The following GJB7 variants were observed in gnomAD, a reference collection of about 807,000 sequenced individuals.
GJB7 encodes gap junction protein beta 7.
For synonymous variants in GJB7, 87 were observed against 95.2 expected, an observed-to-expected ratio of 0.91 and a Z score of 0.50; for missense variants, 253 against 256.8, an observed-to-expected ratio of 0.99 and a Z score of 0.10.
intron 2 of GJB7, among the ~76,000 whole-genome samples, chr6:87,305,350 G>A (rs890727282): frequency 6.6e-6 from 1 of 152,006 alleles, no homozygotes; most frequent in African/African-American, 2.4e-5. Context: ...AAATCAATGT[G>A]CAAAAATCAC....
At chr6:87,301,693 C>T (rs1439112104) in intron 2 of GJB7, among the ~76,000 whole-genome samples, 1 of 152,170 alleles carries the variant, frequency 6.6e-6, no homozygotes, top group Non-Finnish European at 1.5e-5. Context: ...ATCGTTCTCC[C>T]AGCACAGTTT....
Position 87,284,444 on chromosome 6 carries a change from A to G in GJB7, c.469T>C (p.Cys157Arg). ...DGFSVPYLIKCDLKPCPNTVD... is the reference protein window; with the variant it reads ...DGFSVPYLIKRDLKPCPNTVD... ...GTGTTGGGACAAGGCTTCAAATCAC[A>G]CTTTATAAGGTAGGGAACACTAAAG... is the stretch of plus-strand genomic sequence containing the variant. Residue 157 changes from cysteine to arginine, a missense_variant, in exon 3 of 3, where the codon TGT (cysteine) becomes CGT (arginine). Cys to Arg is a radical substitution (Grantham distance 180, BLOSUM62 -3). Transcript: ENST00000525899. 1 of 1,614,144 alleles carries G rather than the reference A, an allele frequency of 6.2e-7. No individual in the cohort carries two copies. Among genetic ancestry groups the G allele is most frequent in the Non-Finnish European group, 8.5e-7 (1 of 1,180,014 alleles).
chr6:87,307,579 A>G (rs1187041333), intron 2 of GJB7, among the ~76,000 whole-genome samples: 1 of 152,220 alleles, frequency 6.6e-6, no homozygotes, highest in Non-Finnish European at 1.5e-5. Flanking sequence ...ATGAACAGAC[A>G]CTTCTTAAAA....
chr6:87,314,814 C>T (rs1402408627), intron 2 of GJB7, among the ~76,000 whole-genome samples: 3 of 152,188 alleles, frequency 2.0e-5, no homozygotes, highest in Non-Finnish European at 4.4e-5. Context: ...CAAAACTTAA[C>T]GCATTTAGGA....
At chr6:87,328,837 G>GCC (rs1162712446) in intron 1 of GJB7, among the ~76,000 whole-genome samples, 61 of 152,212 alleles carry the variant, frequency 4.0e-4, no homozygotes, top group African/African-American at 1.3e-3. Flanking sequence ...AATGGCGGGC[G>GCC]CCCCTCCCCC....
At chr6:87,318,659 A>AC (rs1378856664) in intron 2 of GJB7, among the ~76,000 whole-genome samples, 11 of 152,126 alleles carry the variant, frequency 7.2e-5, no homozygotes, top group East Asian at 3.9e-4. Flanking sequence ...CACAAGGGTG[A>AC]CCCCCCAGAG....
chr6:87,323,690 T>A (rs1285994099), intron 1 of GJB7, among the ~76,000 whole-genome samples: 5 of 152,154 alleles, frequency 3.3e-5, no homozygotes, highest in African/African-American at 4.8e-5. Context: ...GACATTTGGG[T>A]TGGTTCCAGG....
intron 2 of GJB7, among the ~76,000 whole-genome samples, chr6:87,294,565 T>C (rs1776222895): frequency 6.6e-6 from 1 of 152,276 alleles, no homozygotes; most frequent in Admixed American, 6.5e-5. Context: ...ACTTGACCTT[T>C]ATTTCTCAGC....
At chr6:87,314,721 C>T (rs1222843747) in intron 2 of GJB7, among the ~76,000 whole-genome samples, 3 of 152,188 alleles carry the variant, frequency 2.0e-5, no homozygotes, top group African/African-American at 2.4e-5. Context: ...CACCTCCTTA[C>T]TTAACATCTC....
intron 1 of GJB7, among the ~76,000 whole-genome samples, 165 bp downstream of exon 1, chr6:87,328,973 C>A (rs1582090586): frequency 1.3e-5 from 2 of 152,206 alleles, no homozygotes; most frequent in Admixed American, 1.3e-4. Flanking sequence ...TTTTTAAGCC[C>A]GTCGGAAAAG....
intron 2 of GJB7, among the ~76,000 whole-genome samples, chr6:87,305,975 T>A (rs1413971063): frequency 2.6e-5 from 4 of 152,052 alleles, no homozygotes; most frequent in Admixed American, 2.6e-4. Context: ...GCTAGCCATA[T>A]GTAGAAAGCT....
In GJB7 at chr6:87,328,189, C is replaced by G. The variant is rs560159457; in HGVS notation, c.-206+949G>C. 2.0e-5 allele frequency among the ~76,000 whole-genome samples: 3 copies of G among 152,190 alleles called. No homozygotes were observed. In the South Asian group the frequency reaches 6.2e-4, roughly 32 times the overall value. On this transcript the variant is annotated intron_variant, in intron 1 of 2. Coordinates refer to ENST00000525899, the MANE Select transcript of GJB7 (RefSeq NM_198568.3). ...TTTTCAAAGTTTTCAACTTCTTTGC[C>G]TTTGGTTTGAATTTCCTCCCGTAGC...
intron 1 of GJB7, among the ~76,000 whole-genome samples, chr6:87,328,007 A>G (rs1452661943): frequency 6.6e-6 from 1 of 151,486 alleles, no homozygotes; most frequent in Non-Finnish European, 1.5e-5. Flanking sequence ...CATTCACTTC[A>G]TCTTCCATCA....
Position 87,284,409 on chromosome 6 carries a change from G to A in GJB7, c.504C>T (p.Cys168=). Residue 168 remains cysteine (C), a synonymous_variant, in exon 3 of 3, where the codon TGC becomes TGT. Coordinates refer to ENST00000525899, the MANE Select transcript of GJB7 (RefSeq NM_198568.3). ...TCTTCTCAGTGGGTTTGGAGATGAA[G>A]CAGTCCACAGTGTTGGGACAAGGCT... ...DLKPCPNTVD[C]FISKPTEKTI... The A allele has an allele frequency of 6.2e-7, 1 of 1,614,172 alleles. No individual in the cohort carries two copies. Among genetic ancestry groups the A allele is most frequent in the Non-Finnish European group, 8.5e-7 (1 of 1,180,030 alleles).
intron 2 of GJB7, among the ~76,000 whole-genome samples, chr6:87,296,316 C>A (rs1041705790): frequency 1.3e-5 from 2 of 152,130 alleles, no homozygotes; most frequent in Non-Finnish European, 2.9e-5. Context: ...ACACATACCC[C>A]CAAGAAGAAT....
intron 1 of GJB7, among the ~76,000 whole-genome samples, chr6:87,324,770 T>C (rs1207766976): frequency 6.6e-6 from 1 of 152,180 alleles, no homozygotes; most frequent in Non-Finnish European, 1.5e-5. Context: ...TTTGGTTCCA[T>C]ATGAACTTTA....
chr6:87,327,730 G>A (rs1225608775), intron 1 of GJB7, among the ~76,000 whole-genome samples: 1 of 145,928 alleles, frequency 6.9e-6, no homozygotes, highest in Non-Finnish European at 1.5e-5. Context: ...ACAATTATGT[G>A]TCTTGGAGTT....
intron 2 of GJB7, among the ~76,000 whole-genome samples, chr6:87,317,051 T>C (rs1427757423): frequency 1.3e-5 from 2 of 152,088 alleles, no homozygotes; most frequent in East Asian, 3.9e-4. Context: ...CTTGTGCAAA[T>C]CACTTTATAT....
chr6:87,316,759 G>A (rs1776590280), intron 2 of GJB7, among the ~76,000 whole-genome samples: 1 of 152,128 alleles, frequency 6.6e-6, no homozygotes, highest in Non-Finnish European at 1.5e-5. Context: ...ATGCATCTGA[G>A]CCTTCCTGGA....
Sources: gnomAD v4.1 joint callset for allele counts (sites outside exome capture counted in the v4.1 genomes callset) on GRCh38, gnomAD v4.1.1 for gene constraint, MANE v1.5 for transcripts, NCBI Gene and HGNC (gene_info 2026-07-23, HGNC 2026-07-21) for gene names.